Variants in VCAN observed in about 807,000 individuals in gnomAD.
The protein encoded by VCAN is versican, also known as versican core protein.
VCAN carries 44 observed loss-of-function variants against 245.5 expected under a neutral mutation model. The observed-to-expected ratio is 0.18, with a 90% CI of 0.14 to 0.23. The LOEUF is 0.23. Among genes scored for constraint, VCAN ranks in the 10% least tolerant of loss-of-function variants. The pLI is 1.00. For missense variants in VCAN, 3,793 were observed against 4,057.9 expected, an observed-to-expected ratio of 0.93 and a Z score of 1.77; for synonymous variants, 1,413 against 1,437.0, an observed-to-expected ratio of 0.98 and a Z score of 0.38.
At chr5:83,551,303 G>C (rs1747458634) in intron 10 of VCAN, among the ~76,000 whole-genome samples, 1 of 152,064 alleles carries the variant, frequency 6.6e-6, no homozygotes, top group East Asian at 1.9e-4. Context: ...CTGAGGTCAG[G>C]TGTTCAAGAC....
In VCAN at chr5:83,540,233, G is replaced by T. The variant is rs1746914463; in HGVS notation, c.7230G>T (p.Met2410Ile). 3 of 1,613,888 alleles carry T rather than the reference G, an allele frequency of 1.9e-6. No homozygotes were observed. In the African/African-American group the frequency reaches 4.0e-5, roughly 22 times the overall value. Residue 2410 changes from methionine to isoleucine, a missense_variant, in exon 8 of 15, where the codon ATG (methionine) becomes ATT (isoleucine). Physicochemically the swap from Met to Ile is conservative, Grantham distance 10. Transcript: ENST00000265077. ...TGGCTAGAGCTTATGGTTTTGAAAT[G>T]GCCAAAGAATTTGTTACATCAGCAC... ...DFLARAYGFE[M>I]AKEFVTSAPK...
intron 9 of VCAN, 151 bp downstream of exon 9, chr5:83,545,801 C>A: frequency 4.1e-6 from 3 of 735,810 alleles, no homozygotes; most frequent in Admixed American, 2.0e-5. Context: ...GGGTAATTAA[C>A]TAGGGGCTGG....
intron 7 of VCAN, among the ~76,000 whole-genome samples, chr5:83,534,647 CA>C (rs1746639023): frequency 1.3e-5 from 2 of 152,064 alleles, no homozygotes; most frequent in South Asian, 4.1e-4. Context: ...TTAAGATATG[CA>C]CATTTTTAAA....
chr5:83,572,710 TC>T, intron 13 of VCAN, 150 bp downstream of exon 13: 2 of 1,091,586 alleles, frequency 1.8e-6, no homozygotes, highest in Non-Finnish European at 2.7e-6. Context: ...ATTTCACTCT[TC>T]CAAAACAATT....
rs145583734 is a variant in VCAN at position 83,567,732 on chromosome 5, T to C, written c.9736-4684T>C. ...CTGGGGAGGCAACAAGCGTTTGAGG[T>C]GTGTTGCATGAACTTGAGTCCCTGA... On this transcript the variant is annotated intron_variant, in intron 12 of 14. Coordinates refer to ENST00000265077, the MANE Select transcript of VCAN (RefSeq NM_004385.5). Among the ~76,000 whole-genome samples, 235 of 152,298 alleles carry C rather than the reference T, an allele frequency of 1.5e-3. 2 individuals carry two copies. The highest frequency in any genetic ancestry group is 5.4e-3 in the African/African-American group (226 of 41,560).
At chr5:83,485,605 G>C (rs568958276) in intron 2 of VCAN, among the ~76,000 whole-genome samples, 1 of 152,190 alleles carries the variant, frequency 6.6e-6, no homozygotes, top group South Asian at 2.1e-4. Flanking sequence ...CATGAAATGG[G>C]GTGGGGAGTA....
intron 2 of VCAN, among the ~76,000 whole-genome samples, chr5:83,484,529 ATCC>A (rs1233924710): frequency 6.6e-5 from 10 of 151,310 alleles, no homozygotes; most frequent in African/African-American, 2.4e-4. Context: ...CCATCCATCC[ATCC>A]ATCCATCCAT....
rs1464273578 is a variant in VCAN at position 83,512,311 on chromosome 5, A to G, written c.957A>G (p.Leu319=). ...CCAGGGCCCAGTGTGGAGGTGGTCT[A>G]CTTGGGGTGAGAACCCTGTATCGTT... ...TVARAQCGGG[L]LGVRTLYRFE... The change falls in exon 6 of 15, where the codon CTA becomes CTG. Residue 319 remains leucine (L), a synonymous_variant. Coordinates refer to ENST00000265077, the MANE Select transcript of VCAN (RefSeq NM_004385.5). 46 of 1,613,588 alleles carry G rather than the reference A, an allele frequency of 2.9e-5. No homozygotes were observed. The highest frequency in any genetic ancestry group is 3.9e-5 in the Non-Finnish European group (46 of 1,179,644).
At chr5:83,507,671 T>G (rs1463612900) in intron 5 of VCAN, among the ~76,000 whole-genome samples, 1 of 152,256 alleles carries the variant, frequency 6.6e-6, no homozygotes, top group East Asian at 1.9e-4. Context: ...ATGTTATCTT[T>G]GGAGGCATCC....
chr5:83,515,964 C>T lies in VCAN; in HGVS notation c.1043-3385C>T, dbSNP rs190135101. 4.7e-3 allele frequency among the ~76,000 whole-genome samples: 720 copies of T among 152,266 alleles called. 9 individuals carry two copies. Among genetic ancestry groups the T allele is most frequent in the African/African-American group, 0.017 (689 of 41,552 alleles). On this transcript the variant is annotated intron_variant, in intron 6 of 14. Transcript: ENST00000265077. ...ATAGTTTGAATTGGCCGGGCGCGGT[C>T]GCTCACGCCTGTAATCCCAGCATTT...
chr5:83,538,949 C>T lies in VCAN; in HGVS notation c.5946C>T (p.His1982=). ...TACCTACTTCAGTTCACATCAGTCACATATCTGACTCAGAAGGACCCAGTA... is the reference window on the plus strand; with the variant it reads ...TACCTACTTCAGTTCACATCAGTCATATATCTGACTCAGAAGGACCCAGTA... ...STVPTSVHIS[H]ISDSEGPSST... The change falls in exon 8 of 15, where the codon CAC becomes CAT. Residue 1982 remains histidine (H), a synonymous_variant. Coordinates refer to ENST00000265077, the MANE Select transcript of VCAN (RefSeq NM_004385.5). The T allele has an allele frequency of 1.9e-6, 3 of 1,614,056 alleles. No individual in the cohort carries two copies. The highest frequency in any genetic ancestry group is 2.5e-6 in the Non-Finnish European group (3 of 1,179,976).
intron 10 of VCAN, among the ~76,000 whole-genome samples, chr5:83,550,887 CAAAAAA>C (rs57081110): frequency 2.0e-5 from 1 of 50,102 alleles, no homozygotes; most frequent in African/African-American, 8.2e-5. Flanking sequence ...GACTCCATCT[CAAAAAA>C]AAAAAAAAAA....
chr5:83,538,166 G>A lies in VCAN; in HGVS notation c.5163G>A (p.Glu1721=), dbSNP rs748160228. The change falls in exon 8 of 15, where the codon GAG becomes GAA. Residue 1721 remains glutamate (E), a synonymous_variant. Transcript: ENST00000265077. ...AGTGGATTTCCAGTACCACTGTTGA[G>A]GAAAAGAAAAGGAAGGAGGAGGAGG... ...TSEWISSTTV[E]EKKRKEEEGT... The A allele has an allele frequency of 3.1e-6, 5 of 1,613,754 alleles. No individual in the cohort carries two copies. The highest frequency in any genetic ancestry group is 1.3e-5 in the African/African-American group (1 of 74,898).
intron 12 of VCAN, among the ~76,000 whole-genome samples, chr5:83,568,827 T>G (rs1748178987): frequency 6.6e-6 from 1 of 152,164 alleles, no homozygotes; most frequent in Non-Finnish European, 1.5e-5. Flanking sequence ...TATCTCAGTC[T>G]CATATCACTC....
chr5:83,541,478 A>G lies in VCAN; in HGVS notation c.8475A>G (p.Pro2825=), dbSNP rs777343207. The part of the protein sequence containing the change: ...STFAKLSSQT[P]SSPLTIYSGS... ...TTGCGAAGTTGTCTTCTCAGACACC[A>G]TCATCTCCCCTCACTATCTACTCAG... is the stretch of plus-strand genomic sequence containing the variant. Residue 2825 remains proline, a synonymous_variant, in exon 8 of 15, where the codon CCA becomes CCG. Transcript: ENST00000265077. The G allele has an allele frequency of 1.2e-5, 20 of 1,613,984 alleles. No individual in the cohort carries two copies. Among genetic ancestry groups the G allele is most frequent in the Non-Finnish European group, 7.6e-6 (9 of 1,180,012 alleles).
At chr5:83,566,665 T>G (rs1033371906) in intron 12 of VCAN, among the ~76,000 whole-genome samples, 1 of 152,134 alleles carries the variant, frequency 6.6e-6, no homozygotes, top group African/African-American at 2.4e-5. Flanking sequence ...TCTCCAACCA[T>G]TCTGAGTGAG....
At chr5:83,564,941 C>T (rs1333593483) in intron 12 of VCAN, among the ~76,000 whole-genome samples, 3 of 151,984 alleles carry the variant, frequency 2.0e-5, no homozygotes, top group African/African-American at 7.3e-5. Context: ...TTAAGGTAAT[C>T]TAAACTATGG....
At position 83,537,991 on chromosome 5, in the gene VCAN, A is replaced by G; in HGVS notation, c.4988A>G (p.Asn1663Ser). ...ATGGTAACTGATTTATCACAGAGAA[A>G]TACTACTGATACACTCATTACTTTA... is the stretch of plus-strand genomic sequence containing the variant. ...FTMVTDLSQR[N>S]TTDTLITLDT... The change falls in exon 8 of 15, where the codon AAT (asparagine) becomes AGT (serine). Residue 1663 changes from asparagine to serine, a missense_variant. Asn to Ser is a conservative substitution (Grantham distance 46, BLOSUM62 1). Coordinates refer to ENST00000265077, the MANE Select transcript of VCAN (RefSeq NM_004385.5). 6.2e-7 allele frequency: 1 copy of G among 1,613,988 alleles called. No homozygotes were observed. Among genetic ancestry groups the G allele is most frequent in the Non-Finnish European group, 8.5e-7 (1 of 1,179,948 alleles).
At chr5:83,579,440 T>C (rs1748590627) in intron 13 of VCAN, among the ~76,000 whole-genome samples, 1 of 152,070 alleles carries the variant, frequency 6.6e-6, no homozygotes, top group South Asian at 2.1e-4. Context: ...ATTTTTTGTA[T>C]TTTTAGTAGA....
Sources: allele counts gnomAD v4.1 joint callset (sites outside exome capture counted in the v4.1 genomes callset), GRCh38; gene constraint gnomAD v4.1.1; transcripts MANE v1.5; gene names NCBI Gene and HGNC (gene_info 2026-07-23, HGNC 2026-07-21).